Variants in KRT8 observed in about 807,000 individuals in gnomAD.
KRT8 encodes the protein keratin 8.
In KRT8, 24 loss-of-function variants were observed where a neutral mutation model predicts 43.0. The observed-to-expected ratio is 0.56, with a 90% CI of 0.40 to 0.78. The LOEUF is 0.78. Among genes scored for constraint, KRT8 ranks in the 30% least tolerant of loss-of-function variants. The pLI is 0.00. For missense variants in KRT8, 492 were observed against 638.4 expected (o/e 0.77, Z 2.47); for synonymous variants, 214 against 261.2 (o/e 0.82, Z 1.74).
chr12:52,899,009 C>G, intron 5 of KRT8, 110 bp from the exon 6 acceptor site: 1 of 941,272 alleles, frequency 1.1e-6, no homozygotes, highest in Non-Finnish European at 1.7e-6. Context: ...TGACTCCCCC[C>G]AGCTCAAATT....
intron 2 of KRT8, among the ~76,000 whole-genome samples, chr12:52,918,265 CAG>C (rs1039239135): frequency 4.1e-5 from 5 of 122,644 alleles, no homozygotes; most frequent in African/African-American, 1.2e-4. Context: ...AGAAACAAAA[CAG>C]AGTCTGCGTC....
At chr12:52,926,381 T>A in intron 2 of KRT8, 1 of 1,141,906 alleles carries the variant, frequency 8.8e-7, no homozygotes, top group East Asian at 6.5e-5. Flanking sequence ...CTGAAGCACC[T>A]CCTTGTCACC....
chr12:52,913,604 C>G (rs1286579262), intron 2 of KRT8, among the ~76,000 whole-genome samples: 1 of 148,072 alleles, frequency 6.8e-6, no homozygotes, highest in Non-Finnish European at 1.5e-5. Context: ...GGCACACAAC[C>G]TCAGCCTATA....
At chr12:52,897,268 C>T in exon 8 of KRT8, 1 of 728,068 alleles carries the variant, frequency 1.4e-6, no homozygotes, top group Non-Finnish European at 2.5e-6. Flanking sequence ...GAGGCATGGG[C>T]AAGGGGGGTC....
chr12:52,938,818 C>T (rs966312505), intron 2 of KRT8, among the ~76,000 whole-genome samples: 15 of 152,120 alleles, frequency 9.9e-5, no homozygotes, highest in Admixed American at 3.3e-4. Flanking sequence ...GGGGTTTCAC[C>T]GTGTTAACCA....
exon 3 of KRT8, chr12:52,901,168 G>T: frequency 6.2e-7 from 1 of 1,609,526 alleles, no homozygotes; most frequent in Non-Finnish European, 8.5e-7. Flanking sequence ...CCTTCTTGAT[G>T]AGGACAAATT....
intron 2 of KRT8, among the ~76,000 whole-genome samples, chr12:52,938,722 G>A (rs1244784321): frequency 1.3e-5 from 2 of 151,864 alleles, no homozygotes; most frequent in Non-Finnish European, 2.9e-5. Flanking sequence ...GGTTCACGCT[G>A]TTCTCTTGTG....
chr12:52,944,683 C>A lies in KRT8; in HGVS notation c.-47+4773G>T, dbSNP rs73297792. On this transcript the variant is annotated intron_variant, in intron 2 of 6. Transcript: ENST00000546826. The stretch of plus-strand genomic sequence containing the variant: ...TTCTGGGCAGCCACACGCTTCTCAG[C>A]GCTGACCCTTCCTCTTCCTTTATCC... 6.0e-3 allele frequency among the ~76,000 whole-genome samples: 917 copies of A among 152,302 alleles called. 8 individuals carry two copies. The highest frequency in any genetic ancestry group is 0.02 in the African/African-American group (829 of 41,552).
At chr12:52,923,704 C>T (rs1395162310) in intron 2 of KRT8, among the ~76,000 whole-genome samples, 3 of 152,188 alleles carry the variant, frequency 2.0e-5, no homozygotes, top group East Asian at 1.9e-4. Context: ...AGGCGTGAGC[C>T]ACCACGCCCG....
chr12:52,913,670 T>C (rs988265112), intron 2 of KRT8, among the ~76,000 whole-genome samples: 4 of 151,350 alleles, frequency 2.6e-5, no homozygotes, highest in Non-Finnish European at 4.4e-5. Flanking sequence ...ACACCCCACC[T>C]GCCCTCTCAC....
At chr12:52,899,879 C>T in exon 5 of KRT8, 1 of 1,612,682 alleles carries the variant, frequency 6.2e-7, no homozygotes, top group Non-Finnish European at 8.5e-7. Context: ...TGCTTCCCAG[C>T]CAGGCTCTGC....
intron 7 of KRT8, among the ~76,000 whole-genome samples, 183 bp from the exon 8 acceptor site, chr12:52,897,801 A>G (rs78500185): frequency 0.024 from 3,582 of 152,336 alleles, 73 homozygotes; most frequent in Admixed American, 0.052. Flanking sequence ...AGCAGGGTGG[A>G]AAACAGCTGC....
At chr12:52,901,572 C>T in intron 2 of KRT8, 1 of 568,610 alleles carries the variant, frequency 1.8e-6, no homozygotes, top group Non-Finnish European at 3.1e-6. Flanking sequence ...AAAAGTGAGG[C>T]CCACAGGCTG....
At chr12:52,900,927 C>G in intron 3 of KRT8, 1 of 633,080 alleles carries the variant, frequency 1.6e-6, no homozygotes, top group East Asian at 2.7e-5. Flanking sequence ...GCCAGATCTC[C>G]AGTTCTACTG....
intron 2 of KRT8, among the ~76,000 whole-genome samples, chr12:52,938,263 G>A (rs1039195430): frequency 6.8e-6 from 1 of 146,440 alleles, no homozygotes; most frequent in African/African-American, 2.5e-5. Context: ...CTGCCTCCTG[G>A]GTTCAAGTGA....
At chr12:52,930,550 T>G (rs73297771) in intron 2 of KRT8, among the ~76,000 whole-genome samples, 2 of 148,912 alleles carry the variant, frequency 1.3e-5, no homozygotes, top group African/African-American at 2.5e-5. Context: ...CTTTCCTTTT[T>G]TTGTTGTTGT....
chr12:52,910,500 C>A (rs1941613293), upstream of KRT8, among the ~76,000 whole-genome samples: 1 of 152,210 alleles, frequency 6.6e-6, no homozygotes, highest in South Asian at 2.1e-4. Context: ...GAAACTCCAC[C>A]ACCGTTGGCC....
chr12:52,900,539 G>A, intron 4 of KRT8, 49 bp downstream of exon 4: 5 of 1,204,564 alleles, frequency 4.2e-6, no homozygotes, highest in Non-Finnish European at 6.2e-6. Flanking sequence ...CAGGGTGGAG[G>A]CGCTGACAAG....
chr12:52,930,752 G>C (rs981992787), intron 2 of KRT8, among the ~76,000 whole-genome samples: 4 of 151,018 alleles, frequency 2.6e-5, no homozygotes, highest in Non-Finnish European at 4.4e-5. Flanking sequence ...GTAGAGACAG[G>C]GTCTTGCTCT....
Sources: allele counts gnomAD v4.1 joint callset (sites outside exome capture counted in the v4.1 genomes callset), GRCh38; gene constraint gnomAD v4.1.1; transcripts MANE v1.5; gene names NCBI Gene and HGNC (gene_info 2026-07-23, HGNC 2026-07-21).